The following BTBD7 variants were observed in gnomAD, a reference collection of about 807,000 sequenced individuals.
BTBD7 encodes the protein BTB domain containing 7.
BTBD7 carries 38 observed loss-of-function variants against 99.9 expected under a neutral mutation model. The ratio of observed to expected loss-of-function variants is 0.38; its 90% CI spans 0.29 to 0.50. The LOEUF is 0.50. Ranked by LOEUF, BTBD7 falls within the 20% of genes least tolerant of loss-of-function variation. The probability of loss-of-function intolerance (pLI) is 0.93; values close to 1 mark genes in which losing one functional copy is unlikely to be tolerated. For synonymous variants in BTBD7, 520 were observed against 511.4 expected (o/e 1.02, Z -0.23); for missense variants, 1,170 against 1,394.6 (o/e 0.84, Z 2.57).
intron 1 of BTBD7, among the ~76,000 whole-genome samples, chr14:93,324,709 C>T (rs79831355): frequency 0.079 from 11,971 of 152,190 alleles, 1,009 homozygotes; most frequent in African/African-American, 0.21. Context: ...CCCCCAGAAA[C>T]AGAATGTCTA....
chr14:93,282,035 T>C (rs927770959), intron 3 of BTBD7, among the ~76,000 whole-genome samples: 1 of 152,208 alleles, frequency 6.6e-6, no homozygotes, highest in Admixed American at 6.5e-5. Context: ...TTGAAGTTCA[T>C]CTTTTGATCT....
Position 93,238,080 on chromosome 14 carries a change from T to A in BTBD7, c.*4193A>T, listed in dbSNP as rs894972110. The A allele has an allele frequency of 1.3e-5, 2 of 152,446 alleles. No homozygotes were observed. Among genetic ancestry groups the A allele is most frequent in the African/African-American group, 4.8e-5 (2 of 41,428 alleles). The allele number at this position is 152,446 out of a possible 1,614,324, so 9.4% of individuals were successfully genotyped here. On this transcript the variant is annotated 3_prime_UTR_variant, in exon 11 of 11. Coordinates refer to ENST00000334746, the MANE Select transcript of BTBD7 (RefSeq NM_001002860.4). ...TAACCCAGATACAGTTACATGTAGG[T>A]ACAGATGATGAAGCTTCCAGAGCTT...
chr14:93,302,643 G>A (rs867455121), intron 1 of BTBD7, among the ~76,000 whole-genome samples: 7 of 152,072 alleles, frequency 4.6e-5, no homozygotes, highest in Admixed American at 2.0e-4. Flanking sequence ...TCAGGAGTTC[G>A]AGACCAGCCT....
chr14:93,282,209 T>C (rs2052728180), intron 3 of BTBD7, among the ~76,000 whole-genome samples: 1 of 152,232 alleles, frequency 6.6e-6, no homozygotes, highest in African/African-American at 2.4e-5. Context: ...AGTAATATCA[T>C]TATCAATCTA....
At chr14:93,253,834 A>G (rs1595289311) in intron 6 of BTBD7, 44 bp from the exon 7 acceptor site, 1 of 940,660 alleles carries the variant, frequency 1.1e-6, no homozygotes, top group East Asian at 2.7e-5. Flanking sequence ...GTGTAGTACT[A>G]TAATACTACT....
At chr14:93,303,719 C>T (rs2053033191) in intron 1 of BTBD7, among the ~76,000 whole-genome samples, 1 of 152,176 alleles carries the variant, frequency 6.6e-6, no homozygotes, top group South Asian at 2.1e-4. Flanking sequence ...CCTACTCTGC[C>T]ACCTTTACCC....
Position 93,333,029 on chromosome 14 carries a change from C to T in BTBD7, c.-316G>A. 1 of 503,708 alleles carries T rather than the reference C, an allele frequency of 2.0e-6. No individual in the cohort carries two copies. Among genetic ancestry groups the T allele is most frequent in the South Asian group, 3.0e-5 (1 of 32,872 alleles). 31.2% of individuals were successfully genotyped at this position (503,708 alleles called of 1,614,324 possible). On this transcript the variant is annotated 5_prime_UTR_variant, in exon 1 of 11. Coordinates refer to ENST00000334746, the MANE Select transcript of BTBD7 (RefSeq NM_001002860.4). ...CCTCGCCGCCATTTTGACTCCTAGACGGAGCAGGAGGGGCTCGGTTCGGCG... is the reference window on the plus strand; with the variant it reads ...CCTCGCCGCCATTTTGACTCCTAGATGGAGCAGGAGGGGCTCGGTTCGGCG...
At position 93,251,611 on chromosome 14, in the gene BTBD7, C is replaced by T. The variant is rs2052368738; in HGVS notation, c.1794G>A (p.Val598=). 6.2e-7 allele frequency: 1 copy of T among 1,613,330 alleles called. No individual in the cohort carries two copies. The highest frequency in any genetic ancestry group is 8.5e-7 in the Non-Finnish European group (1 of 1,179,482). ...TGGACATTCTAACCATTCGCAAGCG[C>T]ACAAGATCCGTTTGTTCCACCATCA... The part of the protein sequence containing the change: ...DEMMVEQTDL[V]RLRMVRMSNV... Residue 598 remains valine (V), a synonymous_variant, in exon 8 of 11, where the codon GTG becomes GTA. Coordinates refer to ENST00000334746, the MANE Select transcript of BTBD7 (RefSeq NM_001002860.4).
In BTBD7 at chr14:93,294,780, G is replaced by A. The variant is rs146080654; in HGVS notation, c.240C>T (p.Ala80=). 4.2e-5 allele frequency: 68 copies of A among 1,613,804 alleles called. No homozygotes were observed. Among genetic ancestry groups the A allele is most frequent in the Middle Eastern group, 1.6e-4 (1 of 6,062 alleles). The change falls in exon 3 of 11, where the codon GCC becomes GCT. Residue 80 remains alanine (A), a synonymous_variant. Transcript: ENST00000334746. ...GTTCTCGCATCTGCTTGGCATGATC[G>A]GCAGACCTATTAGATTTCCGACGCT... ...FIKRRKSNRS[A]DHAKQMRELL... is the part of the protein sequence containing the mutation.
intron 5 of BTBD7, among the ~76,000 whole-genome samples, chr14:93,257,786 G>A (rs2052446501): frequency 6.6e-6 from 1 of 152,216 alleles, no homozygotes; most frequent in African/African-American, 2.4e-5. Context: ...GCCTACATAT[G>A]TGTAACAGTA....
intron 3 of BTBD7, among the ~76,000 whole-genome samples, chr14:93,265,847 G>A (rs1358934465): frequency 4.6e-5 from 7 of 152,160 alleles, no homozygotes; most frequent in Admixed American, 1.3e-4. Context: ...GCTTGAACCC[G>A]GGAAGTGGAG....
intron 1 of BTBD7, among the ~76,000 whole-genome samples, chr14:93,305,147 C>CT (rs1255239363): frequency 6.6e-6 from 1 of 152,144 alleles, no homozygotes; most frequent in Non-Finnish European, 1.5e-5. Context: ...ATTACGGAGA[C>CT]TGAGTCTAAA....
At chr14:93,251,437 T>C (rs779772072) in intron 8 of BTBD7, 26 bp downstream of exon 8, 31 of 1,535,138 alleles carry the variant, frequency 2.0e-5, no homozygotes, top group Non-Finnish European at 2.7e-5. Flanking sequence ...TTCATTTAAA[T>C]ATAAACACCC....
intron 1 of BTBD7, among the ~76,000 whole-genome samples, chr14:93,330,623 G>C (rs1442068645): frequency 6.6e-6 from 1 of 152,180 alleles, no homozygotes; most frequent in Non-Finnish European, 1.5e-5. Flanking sequence ...AAAAACTGCA[G>C]TTACTTTTGC....
chr14:93,263,000 T>C (rs1473274522), intron 4 of BTBD7, among the ~76,000 whole-genome samples: 1 of 152,128 alleles, frequency 6.6e-6, no homozygotes, highest in Non-Finnish European at 1.5e-5. Flanking sequence ...AGATGCTGAG[T>C]GTATTATTTA....
rs185761359 is a variant in BTBD7 at position 93,288,952 on chromosome 14, C to T, written c.1162+4906G>A. On this transcript the variant is annotated intron_variant, in intron 3 of 10. Coordinates refer to ENST00000334746, the MANE Select transcript of BTBD7 (RefSeq NM_001002860.4). ...TTTCAACCCTGTGCCACATCCCTAC[C>T]CTCCTCTGTTGCTATTTCCAGATTT... Among the ~76,000 whole-genome samples, 52 of 152,200 alleles carry T rather than the reference C, an allele frequency of 3.4e-4. No homozygotes were observed. The East Asian group carries it at 9.5e-3, about 28-fold the overall frequency.
In BTBD7 at chr14:93,332,886, C is replaced by A; in HGVS notation, c.-173G>T. 2 of 1,446,490 alleles carry A rather than the reference C, an allele frequency of 1.4e-6. No homozygotes were observed. The highest frequency in any genetic ancestry group is 3.0e-5 in the African/African-American group (2 of 67,572). The allele number at this position is 1,446,490 out of a possible 1,614,324, so 89.6% of individuals were successfully genotyped here. On this transcript the variant is annotated 5_prime_UTR_variant, in exon 1 of 11. Coordinates refer to ENST00000334746, the MANE Select transcript of BTBD7 (RefSeq NM_001002860.4). ...CTGCCGTCGCCTCCGCCGCCGCCGC[C>A]ACCAGCACCGCCGTCCGCACCGGCG...
intron 3 of BTBD7, among the ~76,000 whole-genome samples, chr14:93,265,458 T>C (rs1017494323): frequency 1.3e-5 from 2 of 152,236 alleles, no homozygotes; most frequent in African/African-American, 2.4e-5. Flanking sequence ...TTCTCGCACA[T>C]GTGCTAAACC....
At chr14:93,294,986 T>C in intron 2 of BTBD7, 49 bp from the exon 3 acceptor site, 1 of 1,460,784 alleles carries the variant, frequency 6.8e-7, no homozygotes, top group Non-Finnish European at 9.0e-7. Context: ...TTAACATTCA[T>C]TTTCAACGTT....
Sources: gnomAD v4.1 joint callset for allele counts (sites outside exome capture counted in the v4.1 genomes callset) on GRCh38, gnomAD v4.1.1 for gene constraint, MANE v1.5 for transcripts, NCBI Gene and HGNC (gene_info 2026-07-23, HGNC 2026-07-21) for gene names.